Variants in SLC26A7 observed in about 807,000 individuals in gnomAD.
The protein encoded by SLC26A7 is solute carrier family 26 member 7.
In SLC26A7, 59 loss-of-function variants were observed where a neutral mutation model predicts 82.5. That is an observed-to-expected ratio of 0.72 (90% CI 0.58 to 0.89). The LOEUF (loss-of-function observed/expected upper bound fraction) is 0.89. SLC26A7 is among the 40% of genes least tolerant of loss of function. SLC26A7 has a pLI of 0.00. For missense variants in SLC26A7, 820 were observed against 793.0 expected, an observed-to-expected ratio of 1.03 and a Z score of -0.41; for synonymous variants, 271 against 274.3, an observed-to-expected ratio of 0.99 and a Z score of 0.12.
At chr8:91,213,776 A>G (rs1312875260) in intron 1 of SLC26A7, among the ~76,000 whole-genome samples, 3 of 152,160 alleles carry the variant, frequency 2.0e-5, no homozygotes, top group African/African-American at 7.2e-5. Context: ...CATGGAGAAG[A>G]AAGTAAACAG....
intron 4 of SLC26A7, among the ~76,000 whole-genome samples, chr8:91,305,582 T>G (rs1812283020): frequency 6.6e-6 from 1 of 152,190 alleles, no homozygotes; most frequent in East Asian, 1.9e-4. Context: ...TCAAATTGTC[T>G]ATCCCTAGCA....
intron 4 of SLC26A7, 127 bp downstream of exon 4, chr8:91,295,830 A>G (rs1388493634): frequency 3.6e-6 from 3 of 826,124 alleles, no homozygotes; most frequent in African/African-American, 3.4e-5. Flanking sequence ...GATGTGTTTT[A>G]TCATTATGGA....
intron 4 of SLC26A7, among the ~76,000 whole-genome samples, chr8:91,310,914 AC>A (rs1812463441): frequency 6.6e-6 from 1 of 152,016 alleles, no homozygotes; most frequent in Non-Finnish European, 1.5e-5. Flanking sequence ...AGTGCACTTT[AC>A]TTTTTTTTTT....
rs1411152589 is a variant in SLC26A7, at chr8:91,397,616, T to G, written c.*2519T>G. 2 of 152,510 alleles carry G rather than the reference T, an allele frequency of 1.3e-5. No individual in the cohort carries two copies. Among genetic ancestry groups the G allele is most frequent in the East Asian group, 1.9e-4 (1 of 5,206 alleles). The allele number at this position is 152,510 out of a possible 1,614,324, so 9.4% of individuals were successfully genotyped here. A position where few individuals can be genotyped will look rare whatever the true frequency, so the allele number is the denominator to read the frequency against. The stretch of plus-strand genomic sequence containing the variant: ...TTACATTTATGCAAATTAAATGCCC[T>G]TAAATTTCACCATTTGTCTTTCATT... On this transcript the variant is annotated 3_prime_UTR_variant, in exon 19 of 19. Transcript: ENST00000276609.
chr8:91,289,253 A>T lies in SLC26A7; in HGVS notation c.304+7A>T. The T allele has an allele frequency of 6.3e-7, 1 of 1,590,266 alleles. No homozygotes were observed. On this transcript the variant is annotated splice_region_variant and intron_variant, in intron 3 of 18. Coordinates refer to ENST00000276609, the MANE Select transcript of SLC26A7 (RefSeq NM_052832.4). ...GGACATCATGTTGCCACAGGTAATAATTCCTATGTTTATGCTTCTAATGTT... is the reference window on the plus strand; with the variant it reads ...GGACATCATGTTGCCACAGGTAATATTTCCTATGTTTATGCTTCTAATGTT...
chr8:91,392,303 C>G (rs995715611), intron 16 of SLC26A7, among the ~76,000 whole-genome samples: 2 of 152,034 alleles, frequency 1.3e-5, no homozygotes, highest in African/African-American at 2.4e-5. Flanking sequence ...ATAGACTAAG[C>G]CTGGTTCCAA....
chr8:91,228,419 G>GT (rs905713792), intron 2 of SLC26A7, among the ~76,000 whole-genome samples: 4 of 152,198 alleles, frequency 2.6e-5, no homozygotes, highest in Non-Finnish European at 5.9e-5. Context: ...ACATTCAAAG[G>GT]TAAGTGTTTG....
chr8:91,226,303 G>A (rs1213323600), intron 2 of SLC26A7, among the ~76,000 whole-genome samples: 1 of 152,068 alleles, frequency 6.6e-6, no homozygotes, highest in Non-Finnish European at 1.5e-5. Context: ...TAGACAACAA[G>A]GAACATGCAA....
At chr8:91,276,293 T>A (rs1811404659) in intron 2 of SLC26A7, among the ~76,000 whole-genome samples, 1 of 152,234 alleles carries the variant, frequency 6.6e-6, no homozygotes, top group Non-Finnish European at 1.5e-5. Context: ...TTCATAGAAT[T>A]TCAAAATCAA....
At chr8:91,228,458 A>G (rs1293764370) in intron 2 of SLC26A7, among the ~76,000 whole-genome samples, 1 of 152,202 alleles carries the variant, frequency 6.6e-6, no homozygotes, top group Admixed American at 6.5e-5. Context: ...GGGGCTTATT[A>G]ATATCACTGC....
intron 8 of SLC26A7, 53 bp downstream of exon 8, chr8:91,340,604 A>C (rs941230066): frequency 6.2e-7 from 1 of 1,600,452 alleles, no homozygotes; most frequent in African/African-American, 1.3e-5. Flanking sequence ...TGCACTGTGC[A>C]CTCCCAGATC....
intron 2 of SLC26A7, among the ~76,000 whole-genome samples, chr8:91,227,046 T>C (rs1810248530): frequency 6.6e-6 from 1 of 152,234 alleles, no homozygotes; most frequent in South Asian, 2.1e-4. Flanking sequence ...GAATCACTGA[T>C]TAATTAAATT....
chr8:91,341,032 A>C (rs1213943843), intron 8 of SLC26A7, among the ~76,000 whole-genome samples: 1 of 150,344 alleles, frequency 6.7e-6, no homozygotes, highest in Non-Finnish European at 1.5e-5. Flanking sequence ...ACATGTGCAC[A>C]TTGTGCAGGT....
rs143593802 is a variant in SLC26A7 at position 91,381,969 on chromosome 8, C to G, written c.1676-7369C>G. 4.3e-3 allele frequency among the ~76,000 whole-genome samples: 655 copies of G among 152,100 alleles called. 2 individuals are homozygous for G. The highest frequency in any genetic ancestry group is 0.015 in the African/African-American group (627 of 41,486). Reference sequence around the variant, plus strand: ...TCTTCATATTGTTTTTTATCTTATGCTATGAGATAGGCTTTGTTGTATTCT... The same window carrying G: ...TCTTCATATTGTTTTTTATCTTATGGTATGAGATAGGCTTTGTTGTATTCT... On this transcript the variant is annotated intron_variant, in intron 15 of 18. Coordinates refer to ENST00000276609, the MANE Select transcript of SLC26A7 (RefSeq NM_052832.4).
chr8:91,260,437 C>A (rs79989244), intron 2 of SLC26A7, among the ~76,000 whole-genome samples: 1 of 152,094 alleles, frequency 6.6e-6, no homozygotes, highest in African/African-American at 2.4e-5. Context: ...AGAGCTAAAC[C>A]ATATCAATTG....
chr8:91,260,699 C>G (rs1166081226), intron 2 of SLC26A7, among the ~76,000 whole-genome samples: 1 of 152,048 alleles, frequency 6.6e-6, no homozygotes, highest in Non-Finnish European at 1.5e-5. Context: ...CTTTCTGTTT[C>G]TATTATTTAA....
Position 91,340,328 on chromosome 8 carries a change from A to G in SLC26A7, c.879-76A>G. ...CTATGTAAACTTCAGAGTCATTGCC[A>G]CAGTTAAATTCATTGCAAGTTGTTA... is the stretch of plus-strand genomic sequence containing the variant. On this transcript the variant is annotated intron_variant, in intron 7 of 18. Coordinates refer to ENST00000276609, the MANE Select transcript of SLC26A7 (RefSeq NM_052832.4). The G allele has an allele frequency of 1.3e-6, 2 of 1,539,614 alleles. 1 individual carries two copies. Among genetic ancestry groups the G allele is most frequent in the Non-Finnish European group, 1.8e-6 (2 of 1,129,140 alleles).
intron 2 of SLC26A7, among the ~76,000 whole-genome samples, chr8:91,226,810 A>C (rs956696842): frequency 6.6e-6 from 1 of 152,256 alleles, no homozygotes; most frequent in Non-Finnish European, 1.5e-5. Flanking sequence ...TTGATCAGAG[A>C]TCTGAAGCAA....
In SLC26A7 at chr8:91,238,668, C is replaced by A. The variant is rs1045504761; in HGVS notation, c.-33-10951C>A. On this transcript the variant is annotated intron_variant, in intron 2 of 5. Transcript: ENST00000522862. ...ACCTTGAGCTCTTAAGTCTTTGGTCCTTGGTTTTAAAGACTCCTACAATCC... is the reference window on the plus strand; with the variant it reads ...ACCTTGAGCTCTTAAGTCTTTGGTCATTGGTTTTAAAGACTCCTACAATCC... Among the ~76,000 whole-genome samples the A allele has an allele frequency of 4.6e-5, 7 of 151,538 alleles. No homozygotes were observed. The East Asian group carries it at 1.2e-3, about 25-fold the overall frequency.
Sources: gnomAD v4.1 joint callset for allele counts (sites outside exome capture counted in the v4.1 genomes callset) on GRCh38, gnomAD v4.1.1 for gene constraint, MANE v1.5 for transcripts, NCBI Gene and HGNC (gene_info 2026-07-23, HGNC 2026-07-21) for gene names.